KLF15: variants seen among roughly 807,000 people sequenced by gnomAD.
KLF15 encodes Krueppel-like factor 15.
In KLF15, 4 loss-of-function variants were observed where a neutral mutation model predicts 24.6. The ratio of observed to expected loss-of-function variants is 0.16; its 90% CI spans 0.08 to 0.37. The LOEUF is 0.37. KLF15 is among the 10% of genes least tolerant of loss of function. The pLI is 1.00. For missense variants in KLF15, 496 were observed against 560.6 expected (o/e 0.88, Z 1.16); for synonymous variants, 246 against 236.3 (o/e 1.04, Z -0.37).
the KLF15 span, among the ~76,000 whole-genome samples, chr3:126,311,613 C>A: frequency 6.6e-6 from 1 of 152,230 alleles, no homozygotes; most frequent in Admixed American, 6.5e-5. Context: ...CAAGCTACCC[C>A]TCAGATGGAA....
At chr3:126,293,594 C>T in the KLF15 span, among the ~76,000 whole-genome samples, 1 of 152,164 alleles carries the variant, frequency 6.6e-6, no homozygotes, top group African/African-American at 2.4e-5. Context: ...ACTCTAAATG[C>T]CTCTCACCCC....
the KLF15 span, among the ~76,000 whole-genome samples, chr3:126,317,296 C>T: frequency 6.6e-6 from 1 of 152,186 alleles, no homozygotes; most frequent in Non-Finnish European, 1.5e-5. Context: ...GGGCCTCACA[C>T]CCCAGAATGT....
the KLF15 span, among the ~76,000 whole-genome samples, chr3:126,298,028 G>GC: frequency 1.3e-5 from 2 of 152,152 alleles, no homozygotes; most frequent in Non-Finnish European, 2.9e-5. Flanking sequence ...TCTCCATACT[G>GC]TTTTCCGTAG....
the KLF15 span, among the ~76,000 whole-genome samples, chr3:126,322,130 G>A: frequency 6.6e-6 from 1 of 152,132 alleles, no homozygotes; most frequent in Non-Finnish European, 1.5e-5. Flanking sequence ...CAGGGACTTG[G>A]TGTTTTTCCC....
At chr3:126,338,782 G>A (rs9819874), downstream of KLF15, among the ~76,000 whole-genome samples, 5,533 of 152,242 alleles carry the variant, frequency 0.036, 350 homozygotes, top group African/African-American at 0.13. Context: ...CACCTGCTGC[G>A]CACTCCCTTC....
chr3:126,340,802 G>T (rs2082474479), downstream of KLF15, among the ~76,000 whole-genome samples: 1 of 152,112 alleles, frequency 6.6e-6, no homozygotes, highest in African/African-American at 2.4e-5. Flanking sequence ...TCAGAAAGGT[G>T]GTGGCATGGG....
the KLF15 span, among the ~76,000 whole-genome samples, chr3:126,336,522 C>A: frequency 3.9e-5 from 3 of 76,138 alleles, no homozygotes; most frequent in Non-Finnish European, 7.7e-5. Context: ...TGGGCAAGGA[C>A]TTCATGTCCA....
At chr3:126,296,701 A>G in the KLF15 span, among the ~76,000 whole-genome samples, 1 of 152,230 alleles carries the variant, frequency 6.6e-6, no homozygotes, top group South Asian at 2.1e-4. Flanking sequence ...TCCAAAGTGT[A>G]GAAAACACAG....
Position 126,352,717 on chromosome 3 carries a change from C to A in KLF15, c.206G>T (p.Gly69Val). 1.3e-6 allele frequency: 2 copies of A among 1,577,654 alleles called. No individual in the cohort carries two copies. Among genetic ancestry groups the A allele is most frequent in the Non-Finnish European group, 1.7e-6 (2 of 1,161,790 alleles). ...CAAGATGCTGTCCTGGCTCTCGGTG[C>A]CCAGGCCTCCACCATAGCAGGAGCA... is the stretch of plus-strand genomic sequence containing the variant. ...ALCSCYGGGL[G>V]TESQDSILDF... The change falls in exon 2 of 3, where the codon GGC becomes GTC. Residue 69 changes from glycine to valine, a missense_variant. Around this residue, in one of 3 missense-constraint regions of KLF15, gnomAD observed 399 missense variants for 423.1 expected, o/e 0.94. Transcript: ENST00000296233.
chr3:126,309,526 A>G, the KLF15 span, among the ~76,000 whole-genome samples: 1 of 152,236 alleles, frequency 6.6e-6, no homozygotes, highest in Non-Finnish European at 1.5e-5. Flanking sequence ...GCAGATGGTT[A>G]CATGCAGAAA....
chr3:126,342,566 A>G (rs1021105759), downstream of KLF15: 2 of 152,584 alleles, frequency 1.3e-5, no homozygotes, highest in Non-Finnish European at 2.9e-5. Context: ...AGGTGGAGAC[A>G]TAGACTCGGC....
chr3:126,346,382 C>G (rs912587251), intron 2 of KLF15, among the ~76,000 whole-genome samples: 2 of 152,158 alleles, frequency 1.3e-5, no homozygotes, highest in Non-Finnish European at 2.9e-5. Context: ...TTTAAAGAGG[C>G]CAAGTCACAC....
chr3:126,309,690 C>T, the KLF15 span, among the ~76,000 whole-genome samples: 13 of 152,256 alleles, frequency 8.5e-5, no homozygotes, highest in South Asian at 2.7e-3. Flanking sequence ...GAGATGGGTT[C>T]CTTAGGGAAA....
At chr3:126,353,060 C>A (rs946050339) in intron 1 of KLF15, 113 bp from the exon 2 acceptor site, 12 of 1,218,582 alleles carry the variant, frequency 9.8e-6, no homozygotes, top group Non-Finnish European at 1.2e-5. Flanking sequence ...TTGCCAAACG[C>A]CTGGATCCTG....
At chr3:126,349,749 G>C (rs1006737704) in intron 2 of KLF15, among the ~76,000 whole-genome samples, 17 of 152,164 alleles carry the variant, frequency 1.1e-4, no homozygotes, top group African/African-American at 3.4e-4. Flanking sequence ...GCTGAAACCT[G>C]AGCCCGACTA....
intron 2 of KLF15, among the ~76,000 whole-genome samples, chr3:126,351,008 T>C (rs927913340): frequency 4.6e-5 from 7 of 152,240 alleles, no homozygotes; most frequent in African/African-American, 1.4e-4. Context: ...ACATGAGCTC[T>C]TCGCAAGCAG....
the KLF15 span, among the ~76,000 whole-genome samples, chr3:126,291,461 C>T: frequency 5.9e-5 from 9 of 152,292 alleles, no homozygotes; most frequent in Admixed American, 3.3e-4. Context: ...GGAAGGTTCG[C>T]CAGAACTGGG....
At chr3:126,323,409 A>C in the KLF15 span, among the ~76,000 whole-genome samples, 1 of 33,858 alleles carries the variant, frequency 3.0e-5, no homozygotes, top group Non-Finnish European at 4.8e-5. Context: ...GTAGTTATAT[A>C]TATATATATA....
chr3:126,328,796 A>G, the KLF15 span, among the ~76,000 whole-genome samples: 5 of 152,304 alleles, frequency 3.3e-5, no homozygotes, highest in African/African-American at 1.2e-4. Context: ...ATTTTTCTGC[A>G]TATTTACAAA....
Sources: allele counts gnomAD v4.1 joint callset (sites outside exome capture counted in the v4.1 genomes callset), GRCh38; gene constraint gnomAD v4.1.1; regional missense constraint gnomAD v4.1.1; transcripts MANE v1.5; gene names NCBI Gene and HGNC (gene_info 2026-07-23, HGNC 2026-07-21).